Variants in FSIP2 observed in about 807,000 individuals in gnomAD.
FSIP2 encodes fibrous sheath interacting protein 2.
In FSIP2, 367 loss-of-function variants were observed where a neutral mutation model predicts 510.5. The ratio of observed to expected loss-of-function variants is 0.72; its 90% CI spans 0.66 to 0.78. The LOEUF (loss-of-function observed/expected upper bound fraction) is 0.78, where lower values mean the gene tolerates loss of function less well. Ranked by LOEUF, FSIP2 falls within the 30% of genes least tolerant of loss-of-function variation. The probability of loss-of-function intolerance (pLI) is 0.00; values close to 1 mark genes in which losing one functional copy is unlikely to be tolerated. For synonymous variants in FSIP2, 2,601 were observed against 2,732.2 expected (o/e 0.95, Z 1.50); for missense variants, 7,594 against 7,901.7 (o/e 0.96, Z 1.48).
intron 9 of FSIP2, 65 bp downstream of exon 9, chr2:185,756,343 G>T: frequency 1.7e-6 from 1 of 575,154 alleles, no homozygotes; most frequent in Non-Finnish European, 2.8e-6. Flanking sequence ...AGACAGTTTT[G>T]TAACAACTTT....
chr2:185,828,963 A>G (rs1694062304), intron 21 of FSIP2, among the ~76,000 whole-genome samples: 1 of 151,904 alleles, frequency 6.6e-6, no homozygotes, highest in African/African-American at 2.4e-5. Flanking sequence ...CACTTAAGAT[A>G]TATTTTTTAA....
intron 17 of FSIP2, among the ~76,000 whole-genome samples, chr2:185,812,809 C>T (rs1482509956): frequency 6.6e-6 from 1 of 152,004 alleles, no homozygotes; most frequent in Non-Finnish European, 1.5e-5. Context: ...TTTGAGGCAC[C>T]ATTATCTGAA....
At chr2:185,742,493 A>C (rs1013897999) in intron 2 of FSIP2, among the ~76,000 whole-genome samples, 2 of 152,222 alleles carry the variant, frequency 1.3e-5, no homozygotes, top group Non-Finnish European at 2.9e-5. Flanking sequence ...AATATTCTTT[A>C]AAATTGGTTC....
At position 185,789,005 on chromosome 2, in the gene FSIP2, C is replaced by G. The variant is rs1559024858; in HGVS notation, c.1869C>G (p.Ile623Met). The G allele has an allele frequency of 1.4e-5, 22 of 1,533,910 alleles. No homozygotes were observed. The highest frequency in any genetic ancestry group is 1.9e-5 in the Non-Finnish European group (22 of 1,145,420). Residue 623 changes from isoleucine to methionine, a missense_variant, in exon 16 of 23, where the codon ATC (isoleucine) becomes ATG (methionine). Ile to Met is a conservative substitution (Grantham distance 10). Coordinates refer to ENST00000424728, the MANE Select transcript of FSIP2 (RefSeq NM_173651.4). ...GTCACATAAAAGGACAATCTATAATCTCTAAACATAAATATAATAAAACCA... is the reference window on the plus strand; with the variant it reads ...GTCACATAAAAGGACAATCTATAATGTCTAAACATAAATATAATAAAACCA... ...KTCHIKGQSI[I>M]SKHKYNKTNL...
chr2:185,816,261 G>T (rs1693824472), intron 19 of FSIP2, among the ~76,000 whole-genome samples: 1 of 147,546 alleles, frequency 6.8e-6, no homozygotes, highest in Non-Finnish European at 1.5e-5. Flanking sequence ...GCCTTATTTT[G>T]GGATATCTGT....
intron 13 of FSIP2, among the ~76,000 whole-genome samples, chr2:185,768,924 C>G (rs750620986): frequency 6.6e-6 from 1 of 152,078 alleles, no homozygotes; most frequent in African/African-American, 2.4e-5. Flanking sequence ...GGACAATGGC[C>G]TCCAGCTCCA....
Position 185,803,944 on chromosome 2 carries a change from A to G in FSIP2, c.14638A>G (p.Ile4880Val). Residue 4880 changes from isoleucine to valine, a missense_variant, in exon 17 of 23, where the codon ATT becomes GTT. Coordinates refer to ENST00000424728, the MANE Select transcript of FSIP2 (RefSeq NM_173651.4). Reference protein sequence around the residue: ...DLSHSNIYQSITKDKKSISDI... With the variant: ...DLSHSNIYQSVTKDKKSISDI... ...TTCTCATTCAAATATATACCAGTCC[A>G]TTACAAAAGATAAAAAGAGCATAAG... 6.6e-7 allele frequency: 1 copy of G among 1,510,870 alleles called. No homozygotes were observed. Among genetic ancestry groups the G allele is most frequent in the Non-Finnish European group, 8.8e-7 (1 of 1,131,004 alleles). The allele number at this position is 1,510,870 out of a possible 1,614,324, so 93.6% of individuals were successfully genotyped here. A position where few individuals can be genotyped will look rare whatever the true frequency, so the allele number is the denominator to read the frequency against.
At chr2:185,766,538 A>G (rs1314690091) in intron 13 of FSIP2, 1 of 147,884 alleles carries the variant, frequency 6.8e-6, no homozygotes, top group Non-Finnish European at 1.5e-5. Context: ...AAAAGAAGAC[A>G]TTTATGCAGC....
At chr2:185,786,193 A>G (rs1325778676) in intron 14 of FSIP2, 59 bp from the exon 15 acceptor site, 2 of 1,122,120 alleles carry the variant, frequency 1.8e-6, no homozygotes, top group African/African-American at 1.6e-5. Flanking sequence ...AAATTTTGGG[A>G]AAAGTTTTAT....
At chr2:185,738,603 T>C, upstream of FSIP2, 2 of 1,535,780 alleles carry the variant, frequency 1.3e-6, no homozygotes, top group Non-Finnish European at 1.7e-6. Context: ...TAGGATTGGC[T>C]AAGGCGTGAT....
intron 6 of FSIP2, 40 bp downstream of exon 6, chr2:185,746,850 T>G (rs1692044037): frequency 7.4e-7 from 1 of 1,354,466 alleles, no homozygotes; most frequent in Non-Finnish European, 9.9e-7. Context: ...AGAAAAATTG[T>G]GTACAGTTGT....
chr2:185,793,512 C>A lies in FSIP2; in HGVS notation c.6376C>A (p.His2126Asn). 2.0e-6 allele frequency: 3 copies of A among 1,534,284 alleles called. No individual in the cohort carries two copies. Among genetic ancestry groups the A allele is most frequent in the African/African-American group, 2.7e-5 (2 of 73,004 alleles). ...PTLKCSIADK[H>N]SEENSEMFME... ...TCTGAAATGTAGCATAGCTGATAAACATTCAGAAGAAAATTCTGAAATGTT... is the reference window on the plus strand; with the variant it reads ...TCTGAAATGTAGCATAGCTGATAAAAATTCAGAAGAAAATTCTGAAATGTT... Residue 2126 changes from histidine (H) to asparagine (N), a missense_variant, in exon 16 of 23, where the codon CAT becomes AAT. His to Asn is a moderately conservative substitution (Grantham distance 68). Transcript: ENST00000424728.
intron 13 of FSIP2, chr2:185,765,730 T>G (rs1433574464): frequency 6.6e-6 from 1 of 151,936 alleles, no homozygotes; most frequent in Non-Finnish European, 1.5e-5. Flanking sequence ...TAAATTACCT[T>G]GGGCAGTATG....
At chr2:185,813,343 T>TA (rs1007793320) in intron 17 of FSIP2, among the ~76,000 whole-genome samples, 2 of 151,962 alleles carry the variant, frequency 1.3e-5, no homozygotes, top group Non-Finnish European at 2.9e-5. Flanking sequence ...GTAATAAATG[T>TA]AAAAAAATGC....
intron 6 of FSIP2, 122 bp from the exon 7 acceptor site, chr2:185,747,191 T>A: frequency 1.7e-6 from 1 of 585,544 alleles, no homozygotes; most frequent in Non-Finnish European, 3.0e-6. Flanking sequence ...ATGCCTTTCA[T>A]TATGCTTAAC....
Position 185,789,371 on chromosome 2 carries a change from G to GCTTT in FSIP2, c.2237_2240dup (p.Asn748PhefsTer11). On this transcript the variant is annotated frameshift_variant, in exon 16 of 23. Coordinates refer to ENST00000424728, the MANE Select transcript of FSIP2 (RefSeq NM_173651.4). LOFTEE classifies it high-confidence loss of function. Reference sequence around the variant, plus strand: ...AATGTGAACGTGAAAAAGAAATCTTGCTTTCCAATGCTCATATTCCCTCAG... The same window carrying GCTTT: ...AATGTGAACGTGAAAAAGAAATCTTGCTTTCTTTCCAATGCTCATATTCCCTCAG... The GCTTT allele has an allele frequency of 6.5e-7, 1 of 1,534,978 alleles. No homozygotes were observed. The highest frequency in any genetic ancestry group is 8.7e-7 in the Non-Finnish European group (1 of 1,145,974).
intron 9 of FSIP2, 44 bp from the exon 10 acceptor site, chr2:185,760,943 TA>T (rs10547921): frequency 0.29 from 179,388 of 612,104 alleles, 10,491 homozygotes; most frequent in African/African-American, 0.42. Context: ...CTAAAGCTGT[TA>T]AAAAAAAAAA....
chr2:185,750,004 A>G (rs1692109999), intron 7 of FSIP2, among the ~76,000 whole-genome samples: 1 of 151,772 alleles, frequency 6.6e-6, no homozygotes, highest in South Asian at 2.1e-4. Context: ...TGAACAAAAG[A>G]TCATTAAACA....
intron 19 of FSIP2, among the ~76,000 whole-genome samples, chr2:185,815,949 T>C (rs1693819604): frequency 6.6e-6 from 1 of 151,998 alleles, no homozygotes; most frequent in African/African-American, 2.4e-5. Context: ...TCTTTAAGAA[T>C]GGATAGGATA....
Sources: gnomAD v4.1 joint callset for allele counts (sites outside exome capture counted in the v4.1 genomes callset) on GRCh38, gnomAD v4.1.1 for gene constraint, MANE v1.5 for transcripts, NCBI Gene and HGNC (gene_info 2026-07-23, HGNC 2026-07-21) for gene names.